The following KLHL33 variants were observed in gnomAD, a reference collection of about 807,000 sequenced individuals.
The protein encoded by KLHL33 is kelch like family member 33.
Under a neutral mutation model 60.8 loss-of-function variants are expected in KLHL33, and 46 were observed. That is an observed-to-expected ratio of 0.76 (90% CI 0.60 to 0.97). The LOEUF is 0.97. Among genes scored for constraint, KLHL33 ranks in the 50% least tolerant of loss-of-function variants. KLHL33 has a pLI of 0.00. For synonymous variants in KLHL33, 434 were observed against 432.2 expected (o/e 1.00, Z -0.05); for missense variants, 1,055 against 1,000.0 (o/e 1.05, Z -0.74).
Position 20,428,983 on chromosome 14 carries a change from C to T in KLHL33, c.2260G>A (p.Gly754Ser), listed in dbSNP as rs1287800952. ...CCCAGGCAGAGCCATCGGCCCAGGCCAGGACAGTAGGCATGGATAAGGTGA... is the reference window on the plus strand; with the variant it reads ...CCCAGGCAGAGCCATCGGCCCAGGCTAGGACAGTAGGCATGGATAAGGTGA... ...LSHLIHAYCP[G>S]LGRWLCLGTL... The change falls in exon 5 of 5, where the codon GGC becomes AGC. Residue 754 changes from glycine (G) to serine (S), a missense_variant. Transcript: ENST00000636854. The T allele has an allele frequency of 6.4e-7, 1 of 1,551,590 alleles. No homozygotes were observed. Among genetic ancestry groups the T allele is most frequent in the Non-Finnish European group, 8.7e-7 (1 of 1,147,000 alleles).
intron 2 of KLHL33, 27 bp downstream of exon 2, chr14:20,435,037 G>C: frequency 4.9e-6 from 6 of 1,233,978 alleles, no homozygotes; most frequent in Non-Finnish European, 5.1e-6. Context: ...TGCACCTGCA[G>C]TAATTTAATG....
intron 2 of KLHL33, among the ~76,000 whole-genome samples, chr14:20,433,442 T>TA (rs1880586194): frequency 6.6e-6 from 1 of 152,184 alleles, no homozygotes; most frequent in Middle Eastern, 3.2e-3. Context: ...AAGCAGTAGG[T>TA]AGTGGCCTGG....
At chr14:20,434,189 G>A (rs141735965) in intron 2 of KLHL33, among the ~76,000 whole-genome samples, 47 of 152,270 alleles carry the variant, frequency 3.1e-4, no homozygotes, top group African/African-American at 1.1e-3. Flanking sequence ...AGTAGACTCC[G>A]AATAATACTC....
At chr14:20,435,855 G>A in intron 1 of KLHL33, 25 bp from the exon 2 acceptor site, 1 of 1,232,674 alleles carries the variant, frequency 8.1e-7, no homozygotes, top group Non-Finnish European at 1.0e-6. Flanking sequence ...AGGCAAGACA[G>A]CCTGGCGTCA....
rs1303718993 is a variant in KLHL33, at chr14:20,428,475, C to T, written c.*374G>A. On this transcript the variant is annotated 3_prime_UTR_variant, in exon 5 of 5. Transcript: ENST00000636854. The stretch of plus-strand genomic sequence containing the variant: ...ATGGATGGCCATTCCACATTTTTCC[C>T]ATGATCCATGGGTCAGAACCATTTT... The T allele has an allele frequency of 5.2e-6, 1 of 193,510 alleles. No homozygotes were observed. The highest frequency in any genetic ancestry group is 2.3e-5 in the African/African-American group (1 of 42,746). 12.0% of individuals were successfully genotyped at this position (193,510 alleles called of 1,614,324 possible). A position where few individuals can be genotyped will look rare whatever the true frequency, so the allele number is the denominator to read the frequency against.
intron 1 of KLHL33, 92 bp downstream of exon 1, chr14:20,436,007 G>C: frequency 2.4e-6 from 1 of 410,612 alleles, no homozygotes. Flanking sequence ...GCTATAGGGT[G>C]CACGCGGTGC....
rs950280004 is a variant in KLHL33 at position 20,435,365 on chromosome 14, C to G, written c.447G>C (p.Arg149=). The G allele has an allele frequency of 2.4e-6, 3 of 1,234,280 alleles. No individual in the cohort carries two copies. The highest frequency in any genetic ancestry group is 4.2e-5 in the Admixed American group (1 of 23,730). 76.5% of individuals were successfully genotyped at this position (1,234,280 alleles called of 1,614,324 possible). ...GGGACACCTCGAGGCTGAAGGGGGG[C>G]CGCGGACCTCCGCCGCCCAGCAGCC... ...RDRLLGGGGP[R]PPFSLEVSPG... The change falls in exon 2 of 5, where the codon CGG becomes CGC. Residue 149 remains arginine (R), a synonymous_variant. Coordinates refer to ENST00000636854, the MANE Select transcript of KLHL33 (RefSeq NM_001365790.2).
chr14:20,432,965 A>AGAAAGAAAGAAAGAAAGAAC (rs1880565550), intron 2 of KLHL33, among the ~76,000 whole-genome samples: 2 of 150,938 alleles, frequency 1.3e-5, no homozygotes, highest in Non-Finnish European at 1.5e-5. Context: ...AAAGAAAGAA[A>AGAAAGAAAGAAAGAAAGAAC]GAAAGAAAGA....
chr14:20,428,587 C>T lies in KLHL33; in HGVS notation c.*262G>A, dbSNP rs1880368706. 1 of 445,190 alleles carries T rather than the reference C, an allele frequency of 2.2e-6. No individual in the cohort carries two copies. Among genetic ancestry groups the T allele is most frequent in the Non-Finnish European group, 4.0e-6 (1 of 248,616 alleles). 27.6% of individuals were successfully genotyped at this position (445,190 alleles called of 1,614,324 possible). On this transcript the variant is annotated 3_prime_UTR_variant, in exon 5 of 5. Transcript: ENST00000636854. ...ACTAGATGCCCTTTCCCTAAGAATC[C>T]CTAAGCCTTGTGGAGTTGCTCCCGA...
Position 20,435,330 on chromosome 14 carries a change from C to T in KLHL33, c.482G>A (p.Trp161Ter), listed in dbSNP as rs1236011748. 1 of 1,234,340 alleles carries T rather than the reference C, an allele frequency of 8.1e-7. No homozygotes were observed. Among genetic ancestry groups the T allele is most frequent in the Non-Finnish European group, 1.0e-6 (1 of 988,130 alleles). 76.5% of individuals were successfully genotyped at this position (1,234,340 alleles called of 1,614,324 possible). ...PFSLEVSPGG[W>*]EAVLTFAYEG... ...ATAGGCAAAGGTCAGCACGGCCTCC[C>T]AGCCCCCTGGGGACACCTCGAGGCT... Residue 161 changes from tryptophan to a stop codon, truncating the protein, a stop_gained, in exon 2 of 5, where the codon TGG becomes TAG. Transcript: ENST00000636854. LOFTEE classifies it high-confidence loss of function.
rs59220485 is a variant in KLHL33 at position 20,432,926 on chromosome 14, AAAAGAAAG to A, written c.748+2130_748+2137del. On this transcript the variant is annotated intron_variant, in intron 2 of 4. Transcript: ENST00000636854. ...GACAGAACAAGATTCCATCTCAAAA[AAAAGAAAG>A]AAAGAAAGAAAGAAAGAAAGAAAGA... Among the ~76,000 whole-genome samples the A allele has an allele frequency of 8.3e-3, 874 of 104,738 alleles. 4 individuals are homozygous for A. The highest frequency in any genetic ancestry group is 0.021 in the African/African-American group (548 of 26,374). The allele number at this position is 104,738 out of a possible 152,430, so 68.7% of individuals were successfully genotyped here. A position where few individuals can be genotyped will look rare whatever the true frequency, so the allele number is the denominator to read the frequency against.
chr14:20,428,811 C>CT lies in KLHL33; in HGVS notation c.*37dup. 6.7e-7 allele frequency: 1 copy of CT among 1,495,376 alleles called. No homozygotes were observed. Among genetic ancestry groups the CT allele is most frequent in the Non-Finnish European group, 9.0e-7 (1 of 1,105,242 alleles). 92.6% of individuals were successfully genotyped at this position (1,495,376 alleles called of 1,614,324 possible). A position where few individuals can be genotyped will look rare whatever the true frequency, so the allele number is the denominator to read the frequency against. ...TCTCTGTCCTTCTCTCAGGCTATTT[C>CT]TTATGCCCTCCTCTCCCCATACACT... On this transcript the variant is annotated 3_prime_UTR_variant, in exon 5 of 5. Coordinates refer to ENST00000636854, the MANE Select transcript of KLHL33 (RefSeq NM_001365790.2).
rs1483507334 is a variant in KLHL33 at position 20,429,271 on chromosome 14, G to A, written c.1972C>T (p.Leu658Phe). Residue 658 changes from leucine to phenylalanine, a missense_variant, in exon 5 of 5, where the codon CTT (leucine) becomes TTT (phenylalanine). Leu to Phe is a conservative substitution (Grantham distance 22). Coordinates refer to ENST00000636854, the MANE Select transcript of KLHL33 (RefSeq NM_001365790.2). ...CTCAGAAACGTCCCTGGCTTCTCAA[G>A]TTTGGGGTCATAGTGCATCAGTGAG... The part of the protein sequence containing the change: ...LASLMHYDPK[L>F]EKPGTFLSPM... 2 of 1,551,688 alleles carry A rather than the reference G, an allele frequency of 1.3e-6. No homozygotes were observed. Among genetic ancestry groups the A allele is most frequent in the Middle Eastern group, 1.7e-4 (1 of 5,992 alleles).
chr14:20,429,977 C>G lies in KLHL33; in HGVS notation c.1491G>C (p.Trp497Cys). The G allele has an allele frequency of 6.4e-7, 1 of 1,551,726 alleles. No homozygotes were observed. The highest frequency in any genetic ancestry group is 8.7e-7 in the Non-Finnish European group (1 of 1,147,010). The change falls in exon 3 of 5, where the codon TGG becomes TGC. Residue 497 changes from tryptophan (W) to cysteine (C), a missense_variant. Transcript: ENST00000636854. ...MALRQPSRAV[W>C]WARAFRCGVG... Reference sequence around the variant, plus strand: ...CGCCACAGCGGAAGGCCCGGGCCCACCACACTGCTCGGGATGGTTGTCTTA... The same window carrying G: ...CGCCACAGCGGAAGGCCCGGGCCCAGCACACTGCTCGGGATGGTTGTCTTA...
Position 20,435,202 on chromosome 14 carries a change from C to A in KLHL33, c.610G>T (p.Ala204Ser). The A allele has an allele frequency of 1.6e-6, 2 of 1,234,472 alleles. No individual in the cohort carries two copies. Among genetic ancestry groups the A allele is most frequent in the Non-Finnish European group, 2.0e-6 (2 of 988,228 alleles). The allele number at this position is 1,234,472 out of a possible 1,614,324, so 76.5% of individuals were successfully genotyped here. A position where few individuals can be genotyped will look rare whatever the true frequency, so the allele number is the denominator to read the frequency against. ...KAAAQQTCER[A>S]GNAREDVKKP... The stretch of plus-strand genomic sequence containing the variant: ...TTTACATCTTCCCTGGCATTTCCAG[C>A]CCTCTCGCATGTCTGCTGGGCAGCA... Residue 204 changes from alanine (A) to serine (S), a missense_variant, in exon 2 of 5, where the codon GCT becomes TCT. Ala to Ser is a moderately conservative substitution (Grantham distance 99). Coordinates refer to ENST00000636854, the MANE Select transcript of KLHL33 (RefSeq NM_001365790.2).
rs537223989 is a variant in KLHL33, at chr14:20,435,251, C to A, written c.561G>T (p.Ala187=). The change falls in exon 2 of 5, where the codon GCG becomes GCT. Residue 187 remains alanine (A), a synonymous_variant. Transcript: ENST00000636854. ...CAGCCTTCACCCGGGGCGCTCCCAG[C>A]GCCTCTGCTGCGGCCAGCACATCCC... ...SQGDVLAAAE[A]LGAPRVKAAA... 4.1e-6 allele frequency: 5 copies of A among 1,234,448 alleles called. No homozygotes were observed. Among genetic ancestry groups the A allele is most frequent in the South Asian group, 4.1e-5 (1 of 24,416 alleles). 76.5% of individuals were successfully genotyped at this position (1,234,448 alleles called of 1,614,324 possible). A position where few individuals can be genotyped will look rare whatever the true frequency, so the allele number is the denominator to read the frequency against.
rs546827874 is a variant in KLHL33, at chr14:20,426,573, C to G, written c.*2276G>C. Reference sequence around the variant, plus strand: ...ATGTGGAGAAATAGGAACACTTTTACACTGTTGGTGGGACTGTAAACTAGT... The same window carrying G: ...ATGTGGAGAAATAGGAACACTTTTAGACTGTTGGTGGGACTGTAAACTAGT... On this transcript the variant is annotated 3_prime_UTR_variant, in exon 5 of 5. Coordinates refer to ENST00000636854, the MANE Select transcript of KLHL33 (RefSeq NM_001365790.2). 5.2e-4 allele frequency: 79 copies of G among 150,998 alleles called. No individual in the cohort carries two copies. The highest frequency in any genetic ancestry group is 1.8e-3 in the African/African-American group (75 of 41,142). 9.4% of individuals were successfully genotyped at this position (150,998 alleles called of 1,614,324 possible). A position where few individuals can be genotyped will look rare whatever the true frequency, so the allele number is the denominator to read the frequency against.
intron 4 of KLHL33, 21 bp from the exon 5 acceptor site, chr14:20,429,422 A>G: frequency 6.4e-7 from 1 of 1,550,402 alleles, no homozygotes; most frequent in Non-Finnish European, 8.7e-7. Context: ...ACAGGACACA[A>G]GATAAGGCAA....
chr14:20,430,159 G>A lies in KLHL33; in HGVS notation c.1309C>T (p.Arg437Trp), dbSNP rs774326348. 45 of 1,551,316 alleles carry A rather than the reference G, an allele frequency of 2.9e-5. 1 individual carries two copies. The highest frequency in any genetic ancestry group is 2.7e-4 in the South Asian group (23 of 84,066). ...RFGRMSTREL[R>W]RVRAAGLLPP... ...AGTAGCCCGGCTGCCCGCACCCTCC[G>A]CAACTCCCTGGTGGACATGCGGCCA... Residue 437 changes from arginine (R) to tryptophan (W), a missense_variant, in exon 3 of 5, where the codon CGG becomes TGG. Physicochemically the swap from Arg to Trp is moderately radical, Grantham distance 101. Coordinates refer to ENST00000636854, the MANE Select transcript of KLHL33 (RefSeq NM_001365790.2).
Sources: allele counts gnomAD v4.1 joint callset (sites outside exome capture counted in the v4.1 genomes callset), GRCh38; gene constraint gnomAD v4.1.1; transcripts MANE v1.5; gene names NCBI Gene and HGNC (gene_info 2026-07-23, HGNC 2026-07-21).